The following CFAP47 variants were observed in gnomAD, a reference collection of about 807,000 sequenced individuals.
The protein encoded by CFAP47 is cilia- and flagella-associated protein 47.
CFAP47 carries 29 observed loss-of-function variants against 148.1 expected under a neutral mutation model. The observed-to-expected ratio is 0.20, with a 90% CI of 0.15 to 0.27. The LOEUF (loss-of-function observed/expected upper bound fraction) is 0.27, where lower values mean the gene tolerates loss of function less well. Ranked by LOEUF, CFAP47 falls within the 10% of genes least tolerant of loss-of-function variation. CFAP47 has a pLI of 1.00. For synonymous variants in CFAP47, 664 were observed against 577.3 expected, an observed-to-expected ratio of 1.15 and a Z score of -2.15; for missense variants, 1,872 against 1,697.5, an observed-to-expected ratio of 1.10 and a Z score of -1.81.
At chrX:36,061,011 CAT>C (rs1394709539) in intron 26 of CFAP47, among the ~76,000 whole-genome samples, 1 of 111,583 alleles carries the variant, frequency 9.0e-6, no homozygotes, top group Non-Finnish European at 1.9e-5. Flanking sequence ...GCCCAAATCT[CAT>C]GTGGAATTGT....
chrX:36,293,210 G>A (rs187291005), intron 51 of CFAP47, among the ~76,000 whole-genome samples: 15 of 111,547 alleles, frequency 1.3e-4, no homozygotes, highest in Admixed American at 1.3e-3. Flanking sequence ...TTTTATCCTG[G>A]ATTTTCAAAT....
rs58640112 is a variant in CFAP47 at position 36,243,647 on chromosome X, GTATATATATATATATATATATATATATA to G, written c.7332+6802_7332+6829del. Among the ~76,000 whole-genome samples, 14 of 64,250 alleles carry G rather than the reference GTATATATATATATATATATATATATATA, an allele frequency of 2.2e-4. 1 individual carries two copies. The highest frequency in any genetic ancestry group is 3.4e-4 in the Non-Finnish European group (10 of 29,029). The allele number at this position is 64,250 out of a possible 115,157, so 55.8% of individuals were successfully genotyped here. ...AAAAACTTAACTATTATATGTGTGT[GTATATATATATATATATATATATATATA>G]TATATATATATATTCAATATTCGAG... On this transcript the variant is annotated intron_variant, in intron 48 of 63. Coordinates refer to ENST00000378653, the MANE Select transcript of CFAP47 (RefSeq NM_001304548.2).
chrX:36,137,914 A>T, intron 33 of CFAP47, 44 bp from the exon 34 acceptor site: 1 of 526,944 alleles, frequency 1.9e-6, no homozygotes, highest in Admixed American at 3.4e-5. Context: ...CTTTTAATAA[A>T]GTAAAACTAT....
At chrX:36,160,838 TTTTC>T (rs1319399167) in intron 39 of CFAP47, 69 bp downstream of exon 39, 4 of 267,211 alleles carry the variant, frequency 1.5e-5, no homozygotes, top group Middle Eastern at 1.0e-3. Context: ...ACATATGTGA[TTTTC>T]TTTCTTTCTT....
intron 8 of CFAP47, among the ~76,000 whole-genome samples, chrX:35,960,409 G>GAAAAAAAAAAAAAA (rs1936313788): frequency 2.9e-5 from 2 of 69,689 alleles, no homozygotes; most frequent in African/African-American, 1.8e-4. Context: ...AAAAAAAAAG[G>GAAAAAAAAAAAAAA]ACAGCTGGAA....
chrX:36,370,969 C>T (rs1418869951), intron 62 of CFAP47, among the ~76,000 whole-genome samples: 1 of 110,989 alleles, frequency 9.0e-6, no homozygotes, highest in African/African-American at 3.3e-5. Context: ...ACTCTGTTTC[C>T]TAAATTAAAT....
At chrX:36,246,111 A>G (rs1209105479) in intron 48 of CFAP47, among the ~76,000 whole-genome samples, 1 of 111,854 alleles carries the variant, frequency 8.9e-6, no homozygotes, top group Non-Finnish European at 1.9e-5. Context: ...AAAATAAATT[A>G]TCAACAAAAC....
At chrX:36,110,520 A>G (rs1381624672) in intron 33 of CFAP47, among the ~76,000 whole-genome samples, 5 of 111,287 alleles carry the variant, frequency 4.5e-5, no homozygotes, top group African/African-American at 1.6e-4. Context: ...GCCCCTTTGT[A>G]TAGTTTGAAG....
chrX:36,094,417 T>C (rs1938239200), intron 30 of CFAP47, among the ~76,000 whole-genome samples: 1 of 111,277 alleles, frequency 9.0e-6, no homozygotes, highest in African/African-American at 3.3e-5. Flanking sequence ...GAATATTATT[T>C]GTATTTTGAC....
chrX:36,267,200 A>G (rs1392106410), intron 49 of CFAP47, among the ~76,000 whole-genome samples: 2 of 111,840 alleles, frequency 1.8e-5, no homozygotes, highest in Non-Finnish European at 3.8e-5. Context: ...GCAAAAGCCA[A>G]AAATGCCAGA....
At chrX:36,377,833 G>A (rs1942038645) in intron 62 of CFAP47, among the ~76,000 whole-genome samples, 1 of 112,154 alleles carries the variant, frequency 8.9e-6, no homozygotes, top group African/African-American at 3.2e-5. Context: ...TGCACTTTTT[G>A]TGTGTCAGGC....
intron 56 of CFAP47, 31 bp from the exon 57 acceptor site, chrX:36,319,178 G>T: frequency 1.3e-6 from 1 of 769,892 alleles, no homozygotes; most frequent in South Asian, 2.8e-5. Context: ...ATGTGACATT[G>T]AAGTGTAATA....
chrX:36,144,588 A>G, intron 35 of CFAP47: 2 of 1,027,199 alleles, frequency 1.9e-6, no homozygotes, highest in South Asian at 3.7e-5. Flanking sequence ...TCCAAAGGAG[A>G]TGGATGCAGG....
intron 4 of CFAP47, among the ~76,000 whole-genome samples, chrX:35,950,541 T>G (rs1233295843): frequency 9.1e-6 from 1 of 110,272 alleles, no homozygotes; most frequent in East Asian, 2.9e-4. Context: ...ATTTAAATTT[T>G]TGTTGTTGTT....
intron 24 of CFAP47, 123 bp downstream of exon 24, chrX:36,035,977 A>G (rs1477230171): frequency 4.0e-6 from 1 of 252,348 alleles, no homozygotes; most frequent in Non-Finnish European, 7.0e-6. Context: ...AATAATTATA[A>G]ATAATACAAT....
At chrX:35,962,080 G>A (rs1936339493) in intron 8 of CFAP47, among the ~76,000 whole-genome samples, 1 of 110,449 alleles carries the variant, frequency 9.1e-6, no homozygotes, top group Non-Finnish European at 1.9e-5. Flanking sequence ...TTAATCTATT[G>A]GTTATTTAGA....
At position 36,371,842 on chromosome X, in the gene CFAP47, GTGTGTATATATGTGTGCATATACACACA is replaced by G. The variant is rs1181054614; in HGVS notation, c.9185+4760_9185+4787del. ...TGCATATACACACATGTGTGTATATGTGTGTATATATGTGTGCATATACACACATGTGTATATATGTGTGCATATACAC... is the reference window on the plus strand; with the variant it reads ...TGCATATACACACATGTGTGTATATGTGTGTATATATGTGTGCATATACAC... On this transcript the variant is annotated intron_variant, in intron 62 of 63. Coordinates refer to ENST00000378653, the MANE Select transcript of CFAP47 (RefSeq NM_001304548.2). 2.5e-3 allele frequency among the ~76,000 whole-genome samples: 174 copies of G among 70,518 alleles called. 6 individuals are homozygous for G. Among genetic ancestry groups the G allele is most frequent in the South Asian group, 5.7e-3 (7 of 1,231 alleles). 61.2% of individuals were successfully genotyped at this position (70,518 alleles called of 115,157 possible).
intron 33 of CFAP47, among the ~76,000 whole-genome samples, chrX:36,106,813 G>C (rs1397638413): frequency 8.9e-6 from 1 of 111,754 alleles, no homozygotes; most frequent in Non-Finnish European, 1.9e-5. Context: ...GGATACTAGG[G>C]GTTAGCGGGG....
intron 48 of CFAP47, among the ~76,000 whole-genome samples, chrX:36,241,925 G>T (rs1432786650): frequency 1.8e-5 from 2 of 111,585 alleles, no homozygotes; most frequent in African/African-American, 6.5e-5. Flanking sequence ...AATCGACCTG[G>T]TGAGAGTGTC....
Sources: gnomAD v4.1 joint callset for allele counts (sites outside exome capture counted in the v4.1 genomes callset) on GRCh38, gnomAD v4.1.1 for gene constraint, MANE v1.5 for transcripts, NCBI Gene and HGNC (gene_info 2026-07-23, HGNC 2026-07-21) for gene names.